Variants in GABRB2 observed in about 807,000 individuals in gnomAD.
GABRB2 encodes gamma-aminobutyric acid type A receptor subunit beta2.
In GABRB2, 16 loss-of-function variants were observed where a neutral mutation model predicts 54.7. The ratio of observed to expected loss-of-function variants is 0.29; its 90% CI spans 0.20 to 0.44. The LOEUF (loss-of-function observed/expected upper bound fraction) is 0.44, where lower values mean the gene tolerates loss of function less well. Ranked by LOEUF, GABRB2 falls within the 20% of genes least tolerant of loss-of-function variation. The pLI is 1.00. For synonymous variants in GABRB2, 244 were observed against 233.8 expected (o/e 1.04, Z -0.40); for missense variants, 355 against 644.0 (o/e 0.55, Z 4.86).
intron 3 of GABRB2, among the ~76,000 whole-genome samples, chr5:161,507,770 A>T (rs145712169): frequency 3.9e-4 from 60 of 152,226 alleles, no homozygotes; most frequent in African/African-American, 1.4e-3. Flanking sequence ...AGCATTAGTC[A>T]TCAGAGAAAA....
intron 3 of GABRB2, among the ~76,000 whole-genome samples, chr5:161,522,000 C>T (rs1480653435): frequency 6.6e-6 from 1 of 151,886 alleles, no homozygotes; most frequent in Non-Finnish European, 1.5e-5. Flanking sequence ...AGCTGCACAA[C>T]CAGTTCCTTA....
chr5:161,477,938 G>A (rs1238647995), intron 3 of GABRB2, among the ~76,000 whole-genome samples: 3 of 151,986 alleles, frequency 2.0e-5, no homozygotes, highest in Admixed American at 6.6e-5. Context: ...CTTTTAAAAA[G>A]TATATTAGGG....
intron 4 of GABRB2, among the ~76,000 whole-genome samples, chr5:161,449,148 C>T (rs957884349): frequency 6.6e-6 from 1 of 152,144 alleles, no homozygotes; most frequent in African/African-American, 2.4e-5. Flanking sequence ...ATGAAGATTG[C>T]ATTCTTTCAG....
intron 9 of GABRB2, 48 bp from the exon 10 acceptor site, chr5:161,294,476 C>A (rs1293033739): frequency 6.6e-7 from 1 of 1,513,082 alleles, no homozygotes; most frequent in Non-Finnish European, 9.1e-7. Context: ...TGAAGCTTTA[C>A]AGGTGCTTAC....
At chr5:161,491,712 G>A (rs766877169) in intron 3 of GABRB2, among the ~76,000 whole-genome samples, 6 of 151,584 alleles carry the variant, frequency 4.0e-5, no homozygotes, top group East Asian at 1.9e-4. Flanking sequence ...AGAGAGGTAC[G>A]CCTAGAAAAT....
At chr5:161,411,732 A>C (rs1473661455) in intron 4 of GABRB2, among the ~76,000 whole-genome samples, 18 of 151,938 alleles carry the variant, frequency 1.2e-4, no homozygotes, top group Non-Finnish European at 1.2e-4. Flanking sequence ...ACGTTCCTTC[A>C]ATTTGTCTTT....
chr5:161,483,455 A>C (rs1758825242), intron 3 of GABRB2, among the ~76,000 whole-genome samples: 2 of 151,946 alleles, frequency 1.3e-5, no homozygotes, highest in South Asian at 4.1e-4. Flanking sequence ...AGGGGGTGGT[A>C]GGGGAGGATA....
At chr5:161,492,383 A>T (rs1759110373) in intron 3 of GABRB2, among the ~76,000 whole-genome samples, 1 of 151,686 alleles carries the variant, frequency 6.6e-6, no homozygotes, top group Non-Finnish European at 1.5e-5. Context: ...CCTACTTGAT[A>T]AGTGATCGTC....
At chr5:161,429,993 G>A (rs1246672305) in intron 4 of GABRB2, among the ~76,000 whole-genome samples, 4 of 152,092 alleles carry the variant, frequency 2.6e-5, no homozygotes, top group African/African-American at 9.7e-5. Flanking sequence ...ATTTTAAAAC[G>A]AAATGTCCTA....
At chr5:161,440,133 T>A (rs1757427539) in intron 4 of GABRB2, among the ~76,000 whole-genome samples, 1 of 139,192 alleles carries the variant, frequency 7.2e-6, no homozygotes, top group African/African-American at 2.7e-5. Flanking sequence ...CTAAATCATA[T>A]CCAGAGAAAA....
chr5:161,436,933 G>A (rs1202344875), intron 4 of GABRB2, among the ~76,000 whole-genome samples: 1 of 152,096 alleles, frequency 6.6e-6, no homozygotes, highest in African/African-American at 2.4e-5. Flanking sequence ...CACAGAGAAA[G>A]CATTTAAACC....
intron 9 of GABRB2, among the ~76,000 whole-genome samples, chr5:161,324,869 A>T (rs1463396411): frequency 6.6e-6 from 1 of 151,974 alleles, no homozygotes; most frequent in Non-Finnish European, 1.5e-5. Context: ...TGTTAATATG[A>T]TATTTTATGA....
At chr5:161,325,337 A>G (rs568009723) in intron 9 of GABRB2, among the ~76,000 whole-genome samples, 1 of 152,274 alleles carries the variant, frequency 6.6e-6, no homozygotes, top group African/African-American at 2.4e-5. Flanking sequence ...AATTTCAAAC[A>G]TCTCTTCCAT....
chr5:161,384,283 A>T (rs1230972082), intron 5 of GABRB2, among the ~76,000 whole-genome samples: 1 of 152,234 alleles, frequency 6.6e-6, no homozygotes, highest in East Asian at 1.9e-4. Context: ...GAATTTATTC[A>T]CAGAGATAAA....
intron 3 of GABRB2, among the ~76,000 whole-genome samples, chr5:161,508,641 T>C (rs1419312987): frequency 6.6e-6 from 1 of 151,990 alleles, no homozygotes; most frequent in Admixed American, 6.6e-5. Flanking sequence ...AAATAAACTG[T>C]CCAGTTTTCT....
intron 5 of GABRB2, among the ~76,000 whole-genome samples, chr5:161,362,279 T>A (rs1397961309): frequency 3.3e-5 from 5 of 152,228 alleles, no homozygotes; most frequent in Admixed American, 6.5e-5. Context: ...TAGTTCCATA[T>A]GAAATGTAAA....
At chr5:161,542,623 T>G (rs1760855782) in intron 3 of GABRB2, among the ~76,000 whole-genome samples, 1 of 152,234 alleles carries the variant, frequency 6.6e-6, no homozygotes, top group Admixed American at 6.5e-5. Context: ...GACATTTATT[T>G]GTCCAGTACA....
intron 3 of GABRB2, among the ~76,000 whole-genome samples, chr5:161,535,992 C>T (rs1268418575): frequency 1.3e-5 from 2 of 152,146 alleles, no homozygotes; most frequent in Admixed American, 6.5e-5. Flanking sequence ...TGTCTCTGCA[C>T]AGGAAGCCGG....
chr5:161,330,374 G>C (rs1237602601), intron 8 of GABRB2: 15 of 152,102 alleles, frequency 9.9e-5, no homozygotes, highest in Non-Finnish European at 2.2e-4. Flanking sequence ...TTGTTGCTTG[G>C]TGGGTCTGTA....
Sources: allele counts gnomAD v4.1 joint callset (sites outside exome capture counted in the v4.1 genomes callset), GRCh38; gene constraint gnomAD v4.1.1; transcripts MANE v1.5; gene names NCBI Gene and HGNC (gene_info 2026-07-23, HGNC 2026-07-21).